MTMR3: variants seen among roughly 807,000 people sequenced by gnomAD.
MTMR3 encodes the protein phosphatidylinositol-3,5-bisphosphate 3-phosphatase MTMR3.
MTMR3 carries 32 observed loss-of-function variants against 132.4 expected under a neutral mutation model. The observed-to-expected ratio is 0.24, with a 90% CI of 0.18 to 0.32. The LOEUF (loss-of-function observed/expected upper bound fraction) is 0.32. Ranked by LOEUF, MTMR3 falls within the 10% of genes least tolerant of loss-of-function variation. The probability of loss-of-function intolerance (pLI) is 1.00; values close to 1 mark genes in which losing one functional copy is unlikely to be tolerated. For missense variants in MTMR3, 1,216 were observed against 1,489.6 expected, an observed-to-expected ratio of 0.82 and a Z score of 3.02; for synonymous variants, 556 against 550.3, an observed-to-expected ratio of 1.01 and a Z score of -0.14.
intron 1 of MTMR3, among the ~76,000 whole-genome samples, chr22:29,906,495 ATT>A (rs61528298): frequency 4.4e-4 from 65 of 148,034 alleles, no homozygotes; most frequent in Admixed American, 5.4e-4. Context: ...TACCTGGCTA[ATT>A]TTTTTTTTTT....
At chr22:29,940,111 CA>C in intron 1 of MTMR3, among the ~76,000 whole-genome samples, 1 of 152,056 alleles carries the variant, frequency 6.6e-6, no homozygotes, top group African/African-American at 2.4e-5. Context: ...GCTAAAAATA[CA>C]AAAAAATTAG....
At chr22:29,966,842 A>G (rs1036213365) in intron 2 of MTMR3, among the ~76,000 whole-genome samples, 1 of 151,330 alleles carries the variant, frequency 6.6e-6, no homozygotes, top group African/African-American at 2.4e-5. Context: ...CTGAAACCCA[A>G]TCCATTGCAT....
At chr22:29,957,907 A>G (rs546882398) in intron 2 of MTMR3, among the ~76,000 whole-genome samples, 2 of 152,040 alleles carry the variant, frequency 1.3e-5, no homozygotes, top group Admixed American at 6.6e-5. Context: ...TGCTTGTTCT[A>G]TTTTGTTATT....
At chr22:29,943,253 C>T (rs7285583) in intron 1 of MTMR3, among the ~76,000 whole-genome samples, 44,330 of 151,340 alleles carry the variant, frequency 0.29, 7,615 homozygotes, top group East Asian at 0.61. Flanking sequence ...AGTGCAGTGG[C>T]GCCATCTCGG....
chr22:29,968,926 C>T (rs921059142), intron 2 of MTMR3, among the ~76,000 whole-genome samples: 2 of 152,100 alleles, frequency 1.3e-5, no homozygotes, highest in Non-Finnish European at 2.9e-5. Flanking sequence ...AAGGTTCTTC[C>T]TCATCCTTCC....
intron 1 of MTMR3, among the ~76,000 whole-genome samples, chr22:29,940,263 G>A (rs985118550): frequency 2.6e-5 from 4 of 151,972 alleles, no homozygotes; most frequent in African/African-American, 4.8e-5. Context: ...GCGAGACTCC[G>A]TTTCAAAAGA....
chr22:29,886,209 A>G (rs367584818), intron 1 of MTMR3, among the ~76,000 whole-genome samples: 1 of 152,226 alleles, frequency 6.6e-6, no homozygotes, highest in Non-Finnish European at 1.5e-5. Flanking sequence ...TAAAGAGCCA[A>G]TTTTTGATCA....
rs2067697633 is a variant in MTMR3, at chr22:30,019,690, G to A, written c.2031G>A (p.Glu677=). The A allele has an allele frequency of 6.2e-7, 1 of 1,614,176 alleles. No individual in the cohort carries two copies. The highest frequency in any genetic ancestry group is 1.7e-5 in the Admixed American group (1 of 60,028). ...GKPTRVPGGA[E]LSVAAGVAEG... ...CCACCAGAGTGCCGGGGGGTGCCGA[G>A]CTTTCTGTTGCAGCCGGAGTAGCTG... The change falls in exon 17 of 20, where the codon GAG becomes GAA. Residue 677 remains glutamate, a synonymous_variant. Transcript: ENST00000401950.
intron 1 of MTMR3, among the ~76,000 whole-genome samples, chr22:29,934,170 C>T (rs752749676): frequency 1.6e-4 from 25 of 152,162 alleles, no homozygotes; most frequent in Non-Finnish European, 2.8e-4. Context: ...CTGGCTAACA[C>T]GGTGAAACCC....
intron 7 of MTMR3, chr22:29,993,389 A>G (rs2067001650): frequency 6.6e-6 from 1 of 152,096 alleles, no homozygotes; most frequent in Non-Finnish European, 1.5e-5. Context: ...TTACATGTAC[A>G]GTTTCTGAGT....
chr22:29,950,996 CA>C (rs2066067579), intron 1 of MTMR3, among the ~76,000 whole-genome samples: 1 of 152,026 alleles, frequency 6.6e-6, no homozygotes. Flanking sequence ...ACTGAAAATA[CA>C]AAAATTAGCT....
chr22:29,997,052 T>C (rs2067076468), intron 7 of MTMR3: 1 of 152,208 alleles, frequency 6.6e-6, no homozygotes, highest in Non-Finnish European at 1.5e-5. Flanking sequence ...TTCTTGATGG[T>C]CAATATTCCT....
At chr22:29,929,276 A>G (rs918734157) in intron 1 of MTMR3, among the ~76,000 whole-genome samples, 2 of 151,978 alleles carry the variant, frequency 1.3e-5, no homozygotes, top group African/African-American at 2.4e-5. Flanking sequence ...GCAAGACTCC[A>G]TCTCAAAAAC....
intron 1 of MTMR3, among the ~76,000 whole-genome samples, chr22:29,939,067 C>T (rs1381687887): frequency 6.6e-6 from 1 of 152,120 alleles, no homozygotes; most frequent in Non-Finnish European, 1.5e-5. Flanking sequence ...AATGATATAC[C>T]CGCCTCGGCC....
chr22:29,903,390 CTT>C (rs35625964), intron 1 of MTMR3, among the ~76,000 whole-genome samples: 11 of 119,684 alleles, frequency 9.2e-5, no homozygotes, highest in Admixed American at 9.8e-5. Context: ...CTTTTTCTTT[CTT>C]TTTTTTTTTT....
At chr22:29,937,001 T>G (rs1344457348) in intron 1 of MTMR3, among the ~76,000 whole-genome samples, 2 of 152,160 alleles carry the variant, frequency 1.3e-5, no homozygotes, top group African/African-American at 2.4e-5. Context: ...AGGCTTATAT[T>G]TTACCCCCCT....
chr22:29,908,401 A>G (rs1235889781), intron 1 of MTMR3, among the ~76,000 whole-genome samples: 1 of 152,206 alleles, frequency 6.6e-6, no homozygotes, highest in Non-Finnish European at 1.5e-5. Context: ...GTTTTGAGGA[A>G]CAGACCCTTT....
chr22:29,889,887 T>G (rs376883282), intron 1 of MTMR3, among the ~76,000 whole-genome samples: 99 of 149,298 alleles, frequency 6.6e-4, no homozygotes, highest in African/African-American at 2.2e-3. Context: ...TATTATTTTA[T>G]TATTTCCTTA....
chr22:29,994,161 C>T (rs895983851), intron 7 of MTMR3: 7 of 983,712 alleles, frequency 7.1e-6, no homozygotes, highest in Non-Finnish European at 8.4e-6. Flanking sequence ...GGAAATTATG[C>T]AACTACAAGG....
Sources: allele counts gnomAD v4.1 joint callset (sites outside exome capture counted in the v4.1 genomes callset), GRCh38; gene constraint gnomAD v4.1.1; transcripts MANE v1.5; gene names NCBI Gene and HGNC (gene_info 2026-07-23, HGNC 2026-07-21).